The following RGS3 variants were observed in gnomAD, a reference collection of about 807,000 sequenced individuals.
RGS3 encodes the protein regulator of G protein signaling 3.
In RGS3, 80 loss-of-function variants were observed where a neutral mutation model predicts 132.6. The observed-to-expected ratio is 0.60, with a 90% CI of 0.50 to 0.73. The LOEUF (loss-of-function observed/expected upper bound fraction) is 0.73, where lower values mean the gene tolerates loss of function less well. RGS3 is among the 30% of genes least tolerant of loss of function. The probability of loss-of-function intolerance (pLI) is 0.00; values close to 1 mark genes in which losing one functional copy is unlikely to be tolerated. For synonymous variants in RGS3, 598 were observed against 620.6 expected, an observed-to-expected ratio of 0.96 and a Z score of 0.54; for missense variants, 1,382 against 1,530.8, an observed-to-expected ratio of 0.90 and a Z score of 1.62.
In RGS3 at chr9:113,506,509, G is replaced by C. The variant is rs777814916; in HGVS notation, c.1085+16G>C. ...ACGAGATCCGGTGACAGGGGACAGC[G>C]GGTGGCCTGGGGCCTCAGGCTGATG... On this transcript the variant is annotated intron_variant, in intron 12 of 24. Transcript: ENST00000350696. This position sits in a 1 kb window ranked among gnomAD's most constrained non-coding sequence, Gnocchi z 4.7. 6.5e-7 allele frequency: 1 copy of C among 1,537,198 alleles called. No individual in the cohort carries two copies.
chr9:113,582,157 T>C (rs1427394364), intron 19 of RGS3: 16 of 985,390 alleles, frequency 1.6e-5, no homozygotes, highest in Non-Finnish European at 1.9e-5. Context: ...GCTGTGGGGC[T>C]TCACCATTAC....
intron 19 of RGS3, among the ~76,000 whole-genome samples, chr9:113,544,964 T>A (rs1187392655): frequency 6.6e-6 from 1 of 152,206 alleles, no homozygotes; most frequent in African/African-American, 2.4e-5. Flanking sequence ...TGAGATGCCT[T>A]ATTTTCCACC....
At position 113,466,972 on chromosome 9, in the gene RGS3, A is replaced by AT. The variant is rs902875169; in HGVS notation, c.415+4782dup. On this transcript the variant is annotated intron_variant, in intron 3 of 24. Transcript: ENST00000350696. ...GGACATTTCATATAAATGGAATCGT[A>AT]TTTTTTTTTTTATGACTGACTTCTT... is the stretch of plus-strand genomic sequence containing the variant. Among the ~76,000 whole-genome samples the AT allele has an allele frequency of 5.9e-4, 86 of 146,820 alleles. 1 individual carries two copies. The highest frequency in any genetic ancestry group is 3.5e-3 in the Middle Eastern group (1 of 286).
chr9:113,504,120 C>T (rs183104852), intron 10 of RGS3, among the ~76,000 whole-genome samples: 134 of 152,260 alleles, frequency 8.8e-4, no homozygotes, highest in Middle Eastern at 3.4e-3. Flanking sequence ...TGAGCCCCCT[C>T]CCACTCACCT....
intron 21 of RGS3, 190 bp from the exon 20 acceptor site, chr9:113,594,240 A>C (rs369456500): frequency 6.2e-7 from 1 of 1,612,688 alleles, no homozygotes; most frequent in Admixed American, 1.7e-5. Context: ...CCTCCTACAG[A>C]CCAATCTGCG....
intron 19 of RGS3, among the ~76,000 whole-genome samples, chr9:113,573,669 G>T (rs746396966): frequency 1.3e-4 from 20 of 152,220 alleles, no homozygotes; most frequent in Admixed American, 7.8e-4. Flanking sequence ...GGGGACCCTG[G>T]GAGGGAGAGG....
At chr9:113,462,248 C>T in intron 3 of RGS3, 2 of 1,242,942 alleles carry the variant, frequency 1.6e-6, no homozygotes. Context: ...TGGACCTGCT[C>T]TTGTTAAAGG....
chr9:113,487,807 C>T (rs1006607978), intron 7 of RGS3, among the ~76,000 whole-genome samples: 16 of 152,176 alleles, frequency 1.1e-4, no homozygotes, highest in African/African-American at 3.4e-4. Flanking sequence ...TGGGGTTTCT[C>T]CTAAGGGCCG....
At chr9:113,536,758 G>A in intron 18 of RGS3, 38 bp from the exon 17 acceptor site, 1 of 1,606,110 alleles carries the variant, frequency 6.2e-7, no homozygotes, top group Admixed American at 1.7e-5. Flanking sequence ...CCAGGGAGCA[G>A]CCCTGACCGT....
At chr9:113,462,237 G>C (rs1829492825) in intron 3 of RGS3, 1 of 1,552,638 alleles carries the variant, frequency 6.4e-7, no homozygotes, top group Non-Finnish European at 8.8e-7. Flanking sequence ...GGCTAGGAGA[G>C]TGGACCTGCT....
At chr9:113,505,671 C>T (rs1831098251) in intron 11 of RGS3, 148 bp downstream of exon 9, 6 of 625,464 alleles carry the variant, frequency 9.6e-6, no homozygotes, top group South Asian at 4.3e-5. Flanking sequence ...TTTAAGTGAC[C>T]GTAGATGAAA....
At chr9:113,474,170 A>G (rs917092915) in intron 3 of RGS3, among the ~76,000 whole-genome samples, 7 of 152,194 alleles carry the variant, frequency 4.6e-5, no homozygotes, top group Non-Finnish European at 1.0e-4. Context: ...CTCTTTCTGT[A>G]AGGAAAAAGA....
intron 22 of RGS3, 137 bp from the exon 21 acceptor site, chr9:113,594,782 C>T (rs1835668688): frequency 1.3e-5 from 11 of 818,130 alleles, no homozygotes; most frequent in South Asian, 1.3e-4. Context: ...AGAGGGTGGG[C>T]CTCCTTCCTG....
chr9:113,514,620 C>T (rs1432580153), exon 15 of RGS3: 1 of 1,613,896 alleles, frequency 6.2e-7, no homozygotes, highest in South Asian at 1.1e-5. Context: ...GTCACCCTGG[C>T]CCCCAAAGTC....
At chr9:113,514,196 C>G (rs1831535295) in intron 14 of RGS3, among the ~76,000 whole-genome samples, 1 of 152,198 alleles carries the variant, frequency 6.6e-6, no homozygotes, top group East Asian at 1.9e-4. Flanking sequence ...TCCATCATAG[C>G]TGGTGGTGCC....
intron 1 of RGS3, among the ~76,000 whole-genome samples, chr9:113,447,329 G>GTATATA (rs60991619): frequency 0.013 from 346 of 27,476 alleles, 50 homozygotes; most frequent in Non-Finnish European, 0.021. Flanking sequence ...GTATGTATAT[G>GTATATA]TATATATATA....
In RGS3 at chr9:113,461,609, G is replaced by C. The variant is rs909492756; in HGVS notation, c.81-98G>C. 38 of 1,202,950 alleles carry C rather than the reference G, an allele frequency of 3.2e-5. No individual in the cohort carries two copies. The Admixed American group carries it at 7.5e-4, about 24-fold the overall frequency. 74.5% of individuals were successfully genotyped at this position (1,202,950 alleles called of 1,614,324 possible). On this transcript the variant is annotated intron_variant, in intron 1 of 24. Coordinates refer to ENST00000350696, the Ensembl canonical transcript of RGS3. Reference sequence around the variant, plus strand: ...CAACTGAATATGTTAGCTGCAGAGTGGGGCAGGAGTCAGGAGGGGACCTAC... The same window carrying C: ...CAACTGAATATGTTAGCTGCAGAGTCGGGCAGGAGTCAGGAGGGGACCTAC...
chr9:113,501,254 T>C (rs1364711086), intron 10 of RGS3: 1 of 414,200 alleles, frequency 2.4e-6, no homozygotes, highest in Non-Finnish European at 4.3e-6. Context: ...AATCACAAAG[T>C]GGCCCATGGC....
At chr9:113,513,788 A>G (rs985895996) in intron 14 of RGS3, among the ~76,000 whole-genome samples, 1 of 152,136 alleles carries the variant, frequency 6.6e-6, no homozygotes, top group Non-Finnish European at 1.5e-5. Flanking sequence ...GCCACTCCTT[A>G]TTCTAGACTG....
Sources: allele counts gnomAD v4.1 joint callset (sites outside exome capture counted in the v4.1 genomes callset), GRCh38; gene constraint gnomAD v4.1.1; non-coding constraint Gnocchi (gnomAD v3.1); transcripts MANE v1.5; gene names NCBI Gene and HGNC (gene_info 2026-07-23, HGNC 2026-07-21).